NPAS2: variants seen among roughly 807,000 people sequenced by gnomAD.
NPAS2 encodes neuronal PAS domain protein 2.
In NPAS2, 23 loss-of-function variants were observed where a neutral mutation model predicts 107.5. That is an observed-to-expected ratio of 0.21 (90% CI 0.15 to 0.30). The LOEUF is 0.30. Among genes scored for constraint, NPAS2 ranks in the 10% least tolerant of loss-of-function variants. NPAS2 has a pLI of 1.00. For missense variants in NPAS2, 756 were observed against 1,043.3 expected (o/e 0.72, Z 3.79); for synonymous variants, 403 against 417.5 (o/e 0.97, Z 0.42).
At position 100,882,354 on chromosome 2, in the gene NPAS2, A is replaced by G. The variant is rs555193214; in HGVS notation, c.-22-22379A>G. The stretch of plus-strand genomic sequence containing the variant: ...GCCGGGCGCAGTGGCTCATGCCTGT[A>G]ATCCCAGCACTTTGGGAGGCCAAGG... On this transcript the variant is annotated intron_variant, in intron 1 of 20. Coordinates refer to ENST00000335681, the MANE Select transcript of NPAS2 (RefSeq NM_002518.4). 5.9e-5 allele frequency among the ~76,000 whole-genome samples: 9 copies of G among 152,306 alleles called. No individual in the cohort carries two copies. In the East Asian group the frequency reaches 1.7e-3, roughly 30 times the overall value.
At chr2:100,840,590 C>T (rs982452892) in intron 1 of NPAS2, among the ~76,000 whole-genome samples, 1 of 147,764 alleles carries the variant, frequency 6.8e-6, no homozygotes, top group African/African-American at 2.5e-5. Context: ...ACAATCTTCT[C>T]TCCACAGCCC....
intron 14 of NPAS2, chr2:100,977,168 AG>A (rs1471092757): frequency 6.4e-6 from 1 of 156,428 alleles, no homozygotes; most frequent in African/African-American, 2.4e-5. Context: ...CTCACTTCCC[AG>A]GAGTCTCTTA....
rs959977908 is a variant in NPAS2, at chr2:100,950,285, G to GA, written c.598+813dup. 2.5e-4 allele frequency among the ~76,000 whole-genome samples: 38 copies of GA among 151,562 alleles called. 1 individual carries two copies. The highest frequency in any genetic ancestry group is 1.7e-3 in the Admixed American group (26 of 15,216). ...AACATTTCATAAAGCAGCAAAGATG[G>GA]AAAAAAAATAAAATAAAGCATTGAC... On this transcript the variant is annotated intron_variant, in intron 7 of 20. Coordinates refer to ENST00000335681, the MANE Select transcript of NPAS2 (RefSeq NM_002518.4).
intron 1 of NPAS2, among the ~76,000 whole-genome samples, chr2:100,847,562 G>A (rs1004297694): frequency 6.6e-6 from 1 of 152,114 alleles, no homozygotes; most frequent in African/African-American, 2.4e-5. Flanking sequence ...AGTAGAGACG[G>A]GGTTTCACCA....
In NPAS2 at chr2:100,834,096, C is replaced by T. The variant is rs776000228; in HGVS notation, c.-23+13682C>T. 1.3e-5 allele frequency among the ~76,000 whole-genome samples: 2 copies of T among 152,102 alleles called. 1 individual carries two copies. Among genetic ancestry groups the T allele is most frequent in the East Asian group, 3.9e-4 (2 of 5,188 alleles). On this transcript the variant is annotated intron_variant, in intron 1 of 20. Transcript: ENST00000335681. ...CCTTTGCTGACTCCTGGAGCTTGCC[C>T]GGCACCGAACAGACCAGCCGACCCC...
chr2:100,851,988 C>T (rs190901575), intron 1 of NPAS2, among the ~76,000 whole-genome samples: 5 of 152,278 alleles, frequency 3.3e-5, no homozygotes, highest in African/African-American at 1.2e-4. Flanking sequence ...GGGAGTCTCA[C>T]GTTAGCTACA....
chr2:100,943,422 C>T (rs562138347), intron 5 of NPAS2, among the ~76,000 whole-genome samples: 8 of 152,186 alleles, frequency 5.3e-5, no homozygotes, highest in African/African-American at 9.7e-5. Context: ...TTTCTTTCCG[C>T]GATCTGGACA....
rs201955096 is a variant in NPAS2 at position 100,974,952 on chromosome 2, C to T, written c.1282+8C>T. On this transcript the variant is annotated splice_region_variant and intron_variant, in intron 13 of 20. Transcript: ENST00000335681. ...CCATGTCAGAACCCACCTGTGAGTG[C>T]GAGTCCATGGATGGGGAGTGGGATG... 88 of 1,613,290 alleles carry T rather than the reference C, an allele frequency of 5.5e-5. No individual in the cohort carries two copies. The highest frequency in any genetic ancestry group is 1.6e-4 in the Middle Eastern group (1 of 6,066).
chr2:100,821,451 A>G (rs1388094459), intron 1 of NPAS2, among the ~76,000 whole-genome samples: 1 of 152,172 alleles, frequency 6.6e-6, no homozygotes, highest in East Asian at 1.9e-4. Flanking sequence ...TAAAGTGGTT[A>G]GCCTGTTTTC....
At chr2:100,829,823 G>A (rs939532014) in intron 1 of NPAS2, among the ~76,000 whole-genome samples, 1 of 152,174 alleles carries the variant, frequency 6.6e-6, no homozygotes, top group Non-Finnish European at 1.5e-5. Context: ...CATAAGAAAT[G>A]TTAATCACCC....
chr2:100,940,565 T>C (rs1383566301), intron 5 of NPAS2, among the ~76,000 whole-genome samples: 3 of 152,210 alleles, frequency 2.0e-5, no homozygotes, highest in African/African-American at 4.8e-5. Flanking sequence ...CATGCGTTAA[T>C]ATGTGTAGGC....
At chr2:100,892,320 A>G (rs1183407409) in intron 1 of NPAS2, among the ~76,000 whole-genome samples, 1 of 152,206 alleles carries the variant, frequency 6.6e-6, no homozygotes, top group Non-Finnish European at 1.5e-5. Flanking sequence ...CCTTCACTGC[A>G]TATGTCACCC....
At position 100,976,516 on chromosome 2, in the gene NPAS2, G is replaced by A. The variant is rs564876681; in HGVS notation, c.1392+949G>A. 1.2e-4 allele frequency among the ~76,000 whole-genome samples: 19 copies of A among 152,078 alleles called. No individual in the cohort carries two copies. The highest frequency in any genetic ancestry group is 2.0e-4 in the Admixed American group (3 of 15,278). ...GGGATATAGACCTCCACTTCTAGAC[G>A]GGAGAAGTACCCAGGAATTTTAGGG... On this transcript the variant is annotated intron_variant, in intron 14 of 20. Transcript: ENST00000335681. The surrounding 1 kb of genome is among the most constrained non-coding windows in gnomAD (Gnocchi z 4.1).
chr2:100,843,632 T>C (rs993109790), intron 1 of NPAS2, among the ~76,000 whole-genome samples: 4 of 152,208 alleles, frequency 2.6e-5, no homozygotes, highest in African/African-American at 9.6e-5. Context: ...ATTTAACACT[T>C]ATGTTAAGCA....
At chr2:100,901,782 G>T (rs1573580563) in intron 1 of NPAS2, among the ~76,000 whole-genome samples, 1 of 152,026 alleles carries the variant, frequency 6.6e-6, no homozygotes, top group Non-Finnish European at 1.5e-5. Flanking sequence ...TGTCCCTCTT[G>T]GTTCCCTACT....
chr2:100,929,044 C>A (rs2104919058), intron 3 of NPAS2, among the ~76,000 whole-genome samples: 1 of 152,296 alleles, frequency 6.6e-6, no homozygotes, highest in African/African-American at 2.4e-5. Context: ...GCTGGGATTG[C>A]AGACACGTGC....
intron 2 of NPAS2, among the ~76,000 whole-genome samples, chr2:100,908,581 A>G (rs1360769275): frequency 6.6e-6 from 1 of 152,190 alleles, no homozygotes; most frequent in African/African-American, 2.4e-5. Context: ...AAGTTCTGAT[A>G]GGAATTCTTG....
intron 1 of NPAS2, among the ~76,000 whole-genome samples, chr2:100,847,561 G>A (rs1172489041): frequency 2.0e-5 from 3 of 152,024 alleles, no homozygotes; most frequent in African/African-American, 2.4e-5. Context: ...TAGTAGAGAC[G>A]GGGTTTCACC....
At chr2:100,849,396 G>A (rs902056050) in intron 1 of NPAS2, among the ~76,000 whole-genome samples, 3 of 152,120 alleles carry the variant, frequency 2.0e-5, no homozygotes, top group Non-Finnish European at 4.4e-5. Flanking sequence ...ATCATGGCTT[G>A]GAGCAAAGAC....
Sources: allele counts gnomAD v4.1 joint callset (sites outside exome capture counted in the v4.1 genomes callset), GRCh38; gene constraint gnomAD v4.1.1; non-coding constraint Gnocchi (gnomAD v3.1); transcripts MANE v1.5; gene names NCBI Gene and HGNC (gene_info 2026-07-23, HGNC 2026-07-21).